Variants in DMD observed in about 807,000 individuals in gnomAD.
The protein encoded by DMD is mutant dystrophin.
A neutral mutation model predicts 330.1 loss-of-function variants in DMD; 63 were observed. The ratio of observed to expected loss-of-function variants is 0.19; its 90% CI spans 0.16 to 0.24. DMD has a LOEUF of 0.24. Ranked by LOEUF, DMD falls within the 10% of genes least tolerant of loss-of-function variation. DMD has a pLI of 1.00. For synonymous variants in DMD, 1,223 were observed against 959.8 expected, an observed-to-expected ratio of 1.27 and a Z score of -5.07; for missense variants, 3,344 against 2,684.1, an observed-to-expected ratio of 1.25 and a Z score of -5.43.
At chrX:32,892,162 C>T (rs1603458973) in intron 2 of DMD, among the ~76,000 whole-genome samples, 1 of 112,062 alleles carries the variant, frequency 8.9e-6, no homozygotes. Flanking sequence ...TCCACATGAT[C>T]TGGCCTCGGC....
intron 54 of DMD, among the ~76,000 whole-genome samples, chrX:31,629,251 A>T (rs747306703): frequency 1.8e-5 from 2 of 111,973 alleles, no homozygotes; most frequent in South Asian, 7.5e-4. Context: ...TTATTTCAGC[A>T]GCAACTTTAT....
chrX:32,881,405 T>C (rs1263056572), intron 2 of DMD, among the ~76,000 whole-genome samples: 1 of 112,549 alleles, frequency 8.9e-6, no homozygotes, highest in Non-Finnish European at 1.9e-5. Flanking sequence ...CAGTATTATC[T>C]GTAAAATGAT....
rs2097556681 is a variant in DMD, at chrX:32,310,194, G to T, written c.6005C>A (p.Thr2002Asn). The T allele has an allele frequency of 3.3e-6, 4 of 1,208,511 alleles. No homozygotes were observed. In the East Asian group the frequency reaches 1.2e-4, roughly 36 times the overall value. Reference protein sequence around the residue: ...EISYVPSTYLTEITHVSQALL... With the variant: ...EISYVPSTYLNEITHVSQALL... ...GGCTTGTGAGACATGAGTGATTTCA[G>T]TCAAATAAGTAGAAGGCACATAAGA... The change falls in exon 42 of 79, where the codon ACT becomes AAT. Residue 2002 changes from threonine to asparagine, a missense_variant. Physicochemically the swap from Thr to Asn is moderately conservative, Grantham distance 65. Transcript: ENST00000357033.
At chrX:31,483,190 G>T (rs2068488105) in intron 57 of DMD, among the ~76,000 whole-genome samples, 2 of 108,018 alleles carry the variant, frequency 1.9e-5, no homozygotes, top group African/African-American at 6.8e-5. Context: ...GGGACTACAG[G>T]CGCCCGCCAC....
At chrX:33,269,827 A>G (rs746389276) in intron 1 of DMD, among the ~76,000 whole-genome samples, 1 of 110,998 alleles carries the variant, frequency 9.0e-6, no homozygotes, top group Non-Finnish European at 1.9e-5. Flanking sequence ...TTATGAGTAG[A>G]ATTATATGCC....
intron 44 of DMD, among the ~76,000 whole-genome samples, chrX:32,114,818 G>A (rs1471440917): frequency 6.2e-5 from 7 of 112,432 alleles, no homozygotes; most frequent in Non-Finnish European, 1.3e-4. Context: ...ATTAGTGCAT[G>A]AGCAGCAGTA....
chrX:32,449,513 G>A (rs2098320665), intron 26 of DMD, among the ~76,000 whole-genome samples: 1 of 108,971 alleles, frequency 9.2e-6, no homozygotes, highest in African/African-American at 3.3e-5. Context: ...ACACACTAAT[G>A]ACAAGCAATC....
At chrX:32,731,257 T>A (rs1350333916) in intron 7 of DMD, among the ~76,000 whole-genome samples, 1 of 111,786 alleles carries the variant, frequency 8.9e-6, no homozygotes, top group Non-Finnish European at 1.9e-5. Context: ...GCTCGGAGGG[T>A]CCTACCCCAA....
chrX:31,250,450 C>A (rs749145332), intron 63 of DMD, among the ~76,000 whole-genome samples: 1 of 111,850 alleles, frequency 8.9e-6, no homozygotes, highest in African/African-American at 3.2e-5. Context: ...GCATAAATAA[C>A]ATTTTCAGGT....
chrX:32,628,813 T>A (rs902858880), intron 11 of DMD, among the ~76,000 whole-genome samples: 3 of 112,076 alleles, frequency 2.7e-5, no homozygotes, highest in South Asian at 3.7e-4. Context: ...AATTTCCATG[T>A]GTCTCTATAG....
chrX:32,031,727 C>A (rs957768726), intron 44 of DMD, among the ~76,000 whole-genome samples: 1 of 111,723 alleles, frequency 9.0e-6, no homozygotes, highest in East Asian at 2.8e-4. Context: ...ATGGAAACAG[C>A]GGAAGGGGAG....
chrX:33,305,311 G>A (rs1241421583), intron 1 of DMD, among the ~76,000 whole-genome samples: 1 of 106,008 alleles, frequency 9.4e-6, no homozygotes, highest in African/African-American at 3.5e-5. Context: ...GCAAACCATT[G>A]CAAGGACAAA....
chrX:32,075,678 A>T (rs4829246), intron 44 of DMD, among the ~76,000 whole-genome samples: 4,712 of 110,425 alleles, frequency 0.043, 132 homozygotes, highest in East Asian at 0.12. Context: ...TGTTTTTGAG[A>T]TTCTACATTT....
At chrX:33,238,159 A>G (rs1384356358) in intron 1 of DMD, among the ~76,000 whole-genome samples, 3 of 112,288 alleles carry the variant, frequency 2.7e-5, no homozygotes, top group African/African-American at 9.7e-5. Flanking sequence ...CCCAAAAGCC[A>G]TAACCAGGTA....
At chrX:31,725,075 T>G (rs2085911986) in intron 52 of DMD, among the ~76,000 whole-genome samples, 1 of 111,964 alleles carries the variant, frequency 8.9e-6, no homozygotes, top group Admixed American at 9.5e-5. Flanking sequence ...CCTATTTTTC[T>G]GACTAACCAG....
intron 60 of DMD, among the ~76,000 whole-genome samples, chrX:31,379,648 C>T (rs1028651271): frequency 2.7e-5 from 3 of 111,991 alleles, no homozygotes; most frequent in African/African-American, 9.7e-5. Flanking sequence ...CAATGTATTT[C>T]TGAGTTGCAA....
rs146062266 is a variant in DMD at position 32,380,438 on chromosome X, A to G, written c.4845+72T>C. On this transcript the variant is annotated intron_variant, in intron 34 of 78. Transcript: ENST00000357033. ...ATAATGCTATTATTGCTACATGTTA[A>G]TACTTCCTTACAAAATCATATTATG... The G allele has an allele frequency of 1.5e-4, 144 of 972,056 alleles. No individual in the cohort carries two copies. In the African/African-American group the frequency reaches 2.2e-3, roughly 15 times the overall value. 80.1% of individuals were successfully genotyped at this position (972,056 alleles called of 1,213,427 possible).
chrX:32,860,381 A>G (rs1416968528), intron 2 of DMD, among the ~76,000 whole-genome samples: 3 of 112,125 alleles, frequency 2.7e-5, no homozygotes. Flanking sequence ...AGGACAAGCC[A>G]TGGACATAAC....
At chrX:32,442,773 T>C (rs753332656) in intron 27 of DMD, among the ~76,000 whole-genome samples, 14 of 110,712 alleles carry the variant, frequency 1.3e-4, no homozygotes, top group Non-Finnish European at 2.5e-4. Context: ...TGGAAAAATA[T>C]ACCGTCATCT....
Sources: allele counts gnomAD v4.1 joint callset (sites outside exome capture counted in the v4.1 genomes callset), GRCh38; gene constraint gnomAD v4.1.1; transcripts MANE v1.5; gene names NCBI Gene and HGNC (gene_info 2026-07-23, HGNC 2026-07-21).